TMEFF2: variants seen among roughly 807,000 people sequenced by gnomAD.
The protein encoded by TMEFF2 is tomoregulin-2.
TMEFF2 carries 28 observed loss-of-function variants against 53.8 expected under a neutral mutation model. The ratio of observed to expected loss-of-function variants is 0.52; its 90% CI spans 0.39 to 0.71. TMEFF2 has a LOEUF of 0.71. Among genes scored for constraint, TMEFF2 ranks in the 30% least tolerant of loss-of-function variants. The probability of loss-of-function intolerance (pLI) is 0.00; values close to 1 mark genes in which losing one functional copy is unlikely to be tolerated. For synonymous variants in TMEFF2, 162 were observed against 166.3 expected, an observed-to-expected ratio of 0.97 and a Z score of 0.20; for missense variants, 353 against 455.2, an observed-to-expected ratio of 0.78 and a Z score of 2.04.
intron 4 of TMEFF2, among the ~76,000 whole-genome samples, chr2:192,124,469 T>C (rs72918164): frequency 0.28 from 43,229 of 152,106 alleles, 7,302 homozygotes; most frequent in Admixed American, 0.38. Flanking sequence ...CTGGCAGAAG[T>C]GATGGATGCT....
At chr2:191,976,683 A>T (rs1392555272) in intron 7 of TMEFF2, among the ~76,000 whole-genome samples, 2 of 152,226 alleles carry the variant, frequency 1.3e-5, no homozygotes, top group Non-Finnish European at 2.9e-5. Context: ...GCAAACAGGC[A>T]AATACAATGC....
At chr2:191,973,183 A>C (rs1024652485) in intron 7 of TMEFF2, among the ~76,000 whole-genome samples, 40 of 152,180 alleles carry the variant, frequency 2.6e-4, no homozygotes, top group African/African-American at 9.2e-4. Context: ...TGAAAAATTT[A>C]TCACAAGAAA....
intron 5 of TMEFF2, among the ~76,000 whole-genome samples, chr2:192,048,270 C>G (rs1480753004): frequency 6.6e-6 from 1 of 151,294 alleles, no homozygotes; most frequent in Non-Finnish European, 1.5e-5. Flanking sequence ...GCATTCCTAA[C>G]AATCACCAAA....
At chr2:192,011,699 A>G (rs1307557603) in intron 5 of TMEFF2, among the ~76,000 whole-genome samples, 1 of 152,194 alleles carries the variant, frequency 6.6e-6, no homozygotes, top group Non-Finnish European at 1.5e-5. Flanking sequence ...CTTATCAGTT[A>G]TTACCTGAAA....
In TMEFF2 at chr2:192,194,687, C is replaced by T. The variant is rs1691563882; in HGVS notation, c.-163G>A. On this transcript the variant is annotated 5_prime_UTR_variant, in exon 1 of 10. Transcript: ENST00000272771. This position sits in a 1 kb window ranked among gnomAD's most constrained non-coding sequence, Gnocchi z 4.2. ...AGCAGCAGCCAAACCCGCGCATGAT[C>T]TCGAGAGTTTCAGCAACATCCAGGG... The T allele has an allele frequency of 2.8e-6, 2 of 706,510 alleles. No individual in the cohort carries two copies. The highest frequency in any genetic ancestry group is 1.8e-5 in the African/African-American group (1 of 56,362). 43.8% of individuals were successfully genotyped at this position (706,510 alleles called of 1,614,324 possible). A position where few individuals can be genotyped will look rare whatever the true frequency, so the allele number is the denominator to read the frequency against.
chr2:191,996,609 AT>A (rs1686228004), intron 7 of TMEFF2, among the ~76,000 whole-genome samples: 1 of 151,932 alleles, frequency 6.6e-6, no homozygotes, highest in Non-Finnish European at 1.5e-5. Context: ...CACAATGTAC[AT>A]TCTTGGAAAC....
At chr2:192,065,559 C>T (rs1688149150) in intron 4 of TMEFF2, among the ~76,000 whole-genome samples, 1 of 151,698 alleles carries the variant, frequency 6.6e-6, no homozygotes, top group African/African-American at 2.4e-5. Context: ...TTAGAATGCA[C>T]ATTTCTGCTA....
chr2:191,987,308 G>A (rs1686000812), intron 7 of TMEFF2, among the ~76,000 whole-genome samples: 1 of 152,098 alleles, frequency 6.6e-6, no homozygotes, highest in South Asian at 2.1e-4. Context: ...ATAAGGTGAT[G>A]GTCAACAATT....
intron 4 of TMEFF2, among the ~76,000 whole-genome samples, chr2:192,079,148 C>CA (rs1688497301): frequency 6.6e-6 from 1 of 152,162 alleles, no homozygotes. Flanking sequence ...CAGCCACAGC[C>CA]AAAAATTGAG....
At chr2:191,974,076 C>A (rs1692732413) in intron 7 of TMEFF2, among the ~76,000 whole-genome samples, 1 of 152,176 alleles carries the variant, frequency 6.6e-6, no homozygotes, top group South Asian at 2.1e-4. Context: ...TTATTACATA[C>A]TCATGCCCAA....
chr2:192,045,583 A>G (rs891851305), intron 5 of TMEFF2, among the ~76,000 whole-genome samples: 1 of 152,210 alleles, frequency 6.6e-6, no homozygotes, highest in Non-Finnish European at 1.5e-5. Flanking sequence ...AACCCTGTTC[A>G]TTGCCCAATG....
intron 4 of TMEFF2, among the ~76,000 whole-genome samples, chr2:192,172,699 T>A (rs1690945608): frequency 6.6e-6 from 1 of 151,964 alleles, no homozygotes; most frequent in Non-Finnish European, 1.5e-5. Context: ...TTAACTTAGA[T>A]AATTACATTG....
chr2:191,988,884 ACT>A (rs927947834), intron 7 of TMEFF2, among the ~76,000 whole-genome samples: 2 of 152,170 alleles, frequency 1.3e-5, no homozygotes, highest in Admixed American at 1.3e-4. Flanking sequence ...TGCATCAATA[ACT>A]CTGCAGAAAT....
At chr2:192,149,571 C>T (rs1054106563) in intron 4 of TMEFF2, among the ~76,000 whole-genome samples, 10 of 151,914 alleles carry the variant, frequency 6.6e-5, no homozygotes, top group African/African-American at 2.4e-4. Flanking sequence ...ATTAGATGTA[C>T]ATTTAATAGA....
intron 5 of TMEFF2, chr2:192,036,371 A>G (rs918158636): frequency 2.0e-5 from 3 of 152,136 alleles, no homozygotes; most frequent in Non-Finnish European, 2.9e-5. Context: ...CTCATGTAAG[A>G]TATGTTTTTC....
At chr2:192,146,588 A>G (rs1416893483) in intron 4 of TMEFF2, among the ~76,000 whole-genome samples, 1 of 152,040 alleles carries the variant, frequency 6.6e-6, no homozygotes, top group Non-Finnish European at 1.5e-5. Context: ...GAGAATGTGA[A>G]TATCCTATTT....
intron 4 of TMEFF2, among the ~76,000 whole-genome samples, chr2:192,134,766 A>C (rs1011386880): frequency 1.3e-5 from 2 of 152,120 alleles, no homozygotes; most frequent in East Asian, 3.9e-4. Context: ...CACCGCAGCC[A>C]TTTCTTCCCT....
chr2:192,126,962 T>C (rs779944270), intron 4 of TMEFF2, among the ~76,000 whole-genome samples: 19 of 152,190 alleles, frequency 1.2e-4, no homozygotes, highest in Non-Finnish European at 1.9e-4. Context: ...GGTTTTAGAA[T>C]TTTGTTGTTT....
Position 192,048,463 on chromosome 2 carries a change from T to C in TMEFF2, c.536+9216A>G, listed in dbSNP as rs1424323001. On this transcript the variant is annotated intron_variant, in intron 5 of 9. Coordinates refer to ENST00000272771, the MANE Select transcript of TMEFF2 (RefSeq NM_016192.4). ...GGATGACATTTTCCTAAAGTTTTTG[T>C]ATTTCTATTTTTTTTTAAATCACTA... Among the ~76,000 whole-genome samples, 3 of 151,950 alleles carry C rather than the reference T, an allele frequency of 2.0e-5. 1 individual carries two copies. The highest frequency in any genetic ancestry group is 7.2e-5 in the African/African-American group (3 of 41,386).
Sources: allele counts gnomAD v4.1 joint callset (sites outside exome capture counted in the v4.1 genomes callset), GRCh38; gene constraint gnomAD v4.1.1; non-coding constraint Gnocchi (gnomAD v3.1); transcripts MANE v1.5; gene names NCBI Gene and HGNC (gene_info 2026-07-23, HGNC 2026-07-21).